The following NFIA variants were observed in gnomAD, a reference collection of about 807,000 sequenced individuals.
The protein encoded by NFIA is nuclear factor 1 A-type.
NFIA carries 8 observed loss-of-function variants against 62.8 expected under a neutral mutation model. That is an observed-to-expected ratio of 0.13 (90% CI 0.07 to 0.23). The LOEUF (loss-of-function observed/expected upper bound fraction) is 0.23, where lower values mean the gene tolerates loss of function less well. Among genes scored for constraint, NFIA ranks in the 10% least tolerant of loss-of-function variants. The pLI is 1.00. For synonymous variants in NFIA, 235 were observed against 238.1 expected (o/e 0.99, Z 0.12); for missense variants, 410 against 642.1 (o/e 0.64, Z 3.91).
chr1:61,446,261 C>T (rs1368527358), intron 10 of NFIA, among the ~76,000 whole-genome samples: 1 of 152,216 alleles, frequency 6.6e-6, no homozygotes, highest in Non-Finnish European at 1.5e-5. Flanking sequence ...GTTTCCTTTG[C>T]ATTCTCTCCA....
intron 2 of NFIA, chr1:61,249,099 T>C (rs562217683): frequency 1.3e-5 from 2 of 152,362 alleles, no homozygotes; most frequent in South Asian, 4.1e-4. Flanking sequence ...CCAACTTTTA[T>C]GACATACATC....
intron 2 of NFIA, among the ~76,000 whole-genome samples, chr1:61,270,684 GA>G (rs144271639): frequency 0.025 from 3,740 of 152,248 alleles, 65 homozygotes; most frequent in Non-Finnish European, 0.039. Context: ...CTAGTGTTAA[GA>G]TTAATTTTGA....
intron 2 of NFIA, among the ~76,000 whole-genome samples, chr1:61,133,525 T>C (rs911916052): frequency 6.6e-6 from 1 of 152,182 alleles, no homozygotes; most frequent in Non-Finnish European, 1.5e-5. Flanking sequence ...ATACAACTGG[T>C]ACTCAGTAAA....
chr1:61,168,004 A>G (rs1649702257), intron 2 of NFIA, among the ~76,000 whole-genome samples: 1 of 152,192 alleles, frequency 6.6e-6, no homozygotes, highest in African/African-American at 2.4e-5. Context: ...CATGTACATG[A>G]TGGATCAGAT....
chr1:61,270,746 A>G (rs1312145449), intron 2 of NFIA, among the ~76,000 whole-genome samples: 5 of 152,208 alleles, frequency 3.3e-5, no homozygotes, highest in African/African-American at 1.2e-4. Context: ...CTGCTATGCA[A>G]TAATGTTGCA....
chr1:61,434,093 C>CT (rs769635979), intron 10 of NFIA, among the ~76,000 whole-genome samples: 8 of 152,182 alleles, frequency 5.3e-5, no homozygotes, highest in Non-Finnish European at 1.2e-4. Context: ...AGGCAGCAGT[C>CT]TAAGTGTACC....
chr1:61,175,150 ATTATTT>A (rs759633833), intron 2 of NFIA, among the ~76,000 whole-genome samples: 37 of 137,950 alleles, frequency 2.7e-4, no homozygotes, highest in Non-Finnish European at 4.7e-4. Context: ...TATTATTATT[ATTATTT>A]TTTGAGACAG....
chr1:61,131,898 C>G (rs1557587386), intron 2 of NFIA, among the ~76,000 whole-genome samples: 1 of 152,078 alleles, frequency 6.6e-6, no homozygotes, highest in Non-Finnish European at 1.5e-5. Context: ...TATCTCTTCA[C>G]TGAATTGTTG....
At chr1:61,285,408 A>C (rs575617752) in intron 3 of NFIA, among the ~76,000 whole-genome samples, 1 of 152,314 alleles carries the variant, frequency 6.6e-6, no homozygotes, top group South Asian at 2.1e-4. Flanking sequence ...ATTTTTTGGA[A>C]GGAATTACCT....
Position 61,458,550 on chromosome 1 carries a change from A to G in NFIA, c.*3230A>G, listed in dbSNP as rs964399490. 6.6e-6 allele frequency: 1 copy of G among 152,218 alleles called. No individual in the cohort carries two copies. Among genetic ancestry groups the G allele is most frequent in the Non-Finnish European group, 1.5e-5 (1 of 68,044 alleles). 9.4% of individuals were successfully genotyped at this position (152,218 alleles called of 1,614,324 possible). ...GCAGGACTTTTGTAATGTTGTTTAAATGAGGAAAAATTTCTGTCAAATTAG... is the reference window on the plus strand; with the variant it reads ...GCAGGACTTTTGTAATGTTGTTTAAGTGAGGAAAAATTTCTGTCAAATTAG... On this transcript the variant is annotated 3_prime_UTR_variant, in exon 11 of 11. Coordinates refer to ENST00000403491, the MANE Select transcript of NFIA (RefSeq NM_001134673.4).
chr1:61,224,309 GA>G (rs1009390466), intron 2 of NFIA, among the ~76,000 whole-genome samples: 1 of 151,994 alleles, frequency 6.6e-6, no homozygotes, highest in African/African-American at 2.4e-5. Flanking sequence ...ATGCTCCATA[GA>G]AAAAAGTGTG....
chr1:61,177,303 CT>C, intron 2 of NFIA, among the ~76,000 whole-genome samples: 1 of 152,238 alleles, frequency 6.6e-6, no homozygotes, highest in East Asian at 1.9e-4. Context: ...GCAAAAGAAG[CT>C]TATCCGGAGA....
At chr1:61,081,813 T>C (rs1646098912), upstream of NFIA, 2 of 1,469,698 alleles carry the variant, frequency 1.4e-6, no homozygotes, top group South Asian at 1.3e-5. Flanking sequence ...TGTGCATAAT[T>C]ACCTCTGCCG....
chr1:61,373,172 A>G (rs1288122722), intron 6 of NFIA, among the ~76,000 whole-genome samples: 1 of 152,158 alleles, frequency 6.6e-6, no homozygotes, highest in Non-Finnish European at 1.5e-5. Flanking sequence ...TTATTGAAGG[A>G]TGGCAGGCAG....
chr1:61,379,028 T>C (rs1371657845), intron 6 of NFIA, among the ~76,000 whole-genome samples: 1 of 152,244 alleles, frequency 6.6e-6, no homozygotes, highest in Non-Finnish European at 1.5e-5. Context: ...ACTCACCTGA[T>C]TGGGGACCTT....
At chr1:61,360,888 A>G (rs1407993955) in intron 6 of NFIA, among the ~76,000 whole-genome samples, 2 of 152,218 alleles carry the variant, frequency 1.3e-5, no homozygotes, top group African/African-American at 2.4e-5. Context: ...TTAAAATGCA[A>G]AAATGTCTCT....
intron 2 of NFIA, among the ~76,000 whole-genome samples, chr1:61,134,856 CAA>C (rs947974569): frequency 6.6e-6 from 1 of 152,012 alleles, no homozygotes; most frequent in African/African-American, 2.4e-5. Flanking sequence ...TTTTTTTAAA[CAA>C]GTGTATATAT....
In NFIA at chr1:61,457,960, T is replaced by C. The variant is rs939104958; in HGVS notation, c.*2640T>C. 4.6e-5 allele frequency: 7 copies of C among 152,160 alleles called. No individual in the cohort carries two copies. The highest frequency in any genetic ancestry group is 1.7e-4 in the African/African-American group (7 of 41,444). 9.4% of individuals were successfully genotyped at this position (152,160 alleles called of 1,614,324 possible). ...ATTTTTATATGCACGTTTTTAAACT[T>C]CCAAGTTCTGAAAATTGTTTACTGG... is the stretch of plus-strand genomic sequence containing the variant. On this transcript the variant is annotated 3_prime_UTR_variant, in exon 11 of 11. Coordinates refer to ENST00000403491, the MANE Select transcript of NFIA (RefSeq NM_001134673.4). The surrounding 1 kb of genome is among the most constrained non-coding windows in gnomAD (Gnocchi z 4.2).
intron 3 of NFIA, among the ~76,000 whole-genome samples, chr1:61,316,203 A>G (rs1660358939): frequency 6.6e-6 from 1 of 152,204 alleles, no homozygotes; most frequent in Non-Finnish European, 1.5e-5. Context: ...AGTTCTCACT[A>G]TAAAATCTGA....
Sources: gnomAD v4.1 joint callset for allele counts (sites outside exome capture counted in the v4.1 genomes callset) on GRCh38, gnomAD v4.1.1 for gene constraint, Gnocchi (gnomAD v3.1) non-coding constraint, MANE v1.5 for transcripts, NCBI Gene and HGNC (gene_info 2026-07-23, HGNC 2026-07-21) for gene names.